The following DPY19L2 variants were observed in gnomAD, a reference collection of about 807,000 sequenced individuals.
DPY19L2 encodes the protein dpy-19 like 2.
Under a neutral mutation model 97.9 loss-of-function variants are expected in DPY19L2, and 34 were observed. That is an observed-to-expected ratio of 0.35 (90% CI 0.26 to 0.46). The LOEUF (loss-of-function observed/expected upper bound fraction) is 0.46. Ranked by LOEUF, DPY19L2 falls within the 20% of genes least tolerant of loss-of-function variation. The pLI is 1.00. For missense variants in DPY19L2, 623 were observed against 911.4 expected, an observed-to-expected ratio of 0.68 and a Z score of 4.07; for synonymous variants, 230 against 307.9, an observed-to-expected ratio of 0.75 and a Z score of 2.65.
intron 5 of DPY19L2, among the ~76,000 whole-genome samples, 165 bp downstream of exon 5, chr12:63,647,080 T>A (rs1893510916): frequency 6.6e-6 from 1 of 152,162 alleles, no homozygotes. Flanking sequence ...GTACACAGCC[T>A]TCTCAGAAAA....
At chr12:63,662,788 C>A (rs1484201083) in intron 3 of DPY19L2, among the ~76,000 whole-genome samples, 1 of 152,032 alleles carries the variant, frequency 6.6e-6, no homozygotes, top group African/African-American at 2.4e-5. Context: ...TTAAAAAGTT[C>A]AAATGTCATA....
chr12:63,631,151 A>G (rs1214233891), intron 6 of DPY19L2, among the ~76,000 whole-genome samples: 1 of 152,130 alleles, frequency 6.6e-6, no homozygotes. Flanking sequence ...CATCACAATT[A>G]AAAGAACTAG....
chr12:63,588,347 A>G (rs1882173536), intron 16 of DPY19L2, among the ~76,000 whole-genome samples: 1 of 152,138 alleles, frequency 6.6e-6, no homozygotes, highest in Non-Finnish European at 1.5e-5. Flanking sequence ...CTACTCTACA[A>G]ATGGAACAAC....
At chr12:63,659,699 C>T (rs34362583) in intron 4 of DPY19L2, among the ~76,000 whole-genome samples, 26,242 of 151,884 alleles carry the variant, frequency 0.17, 2,630 homozygotes, top group Non-Finnish European at 0.23. Flanking sequence ...TGTACCGAGA[C>T]AATTAATTCA....
chr12:63,578,708 T>G, intron 19 of DPY19L2, among the ~76,000 whole-genome samples: 1 of 152,122 alleles, frequency 6.6e-6, no homozygotes, highest in Admixed American at 6.5e-5. Context: ...TTTGAAAATA[T>G]GTAAGCTAGT....
chr12:63,579,557 A>G (rs1880501417), intron 19 of DPY19L2, among the ~76,000 whole-genome samples: 1 of 152,170 alleles, frequency 6.6e-6, no homozygotes, highest in South Asian at 2.1e-4. Flanking sequence ...TCTGTCAGGA[A>G]CCCAATACAA....
chr12:63,652,299 AG>A (rs1894362155), intron 4 of DPY19L2, among the ~76,000 whole-genome samples: 1 of 152,170 alleles, frequency 6.6e-6, no homozygotes, highest in Non-Finnish European at 1.5e-5. Flanking sequence ...TGTGGAGAAA[AG>A]GGGATGCTTA....
In DPY19L2 at chr12:63,580,759, A is replaced by C. The variant is rs373444545; in HGVS notation, c.1803T>G (p.Gly601=). 2.5e-6 allele frequency: 4 copies of C among 1,613,672 alleles called. No homozygotes were observed. The highest frequency in any genetic ancestry group is 3.4e-6 in the Non-Finnish European group (4 of 1,179,708). Residue 601 remains glycine (G), a synonymous_variant, in exon 19 of 22, where the codon GGT becomes GGG. Transcript: ENST00000324472. ...FGILTVMSIQ[G]YANLRNQWSI... is the part of the protein sequence containing the mutation. ...TCCATTGATTACGGAGGTTTGCATA[A>C]CCTTGTATTGACATCACTGTTAAAA...
At chr12:63,614,036 A>G (rs1434128667) in intron 11 of DPY19L2, among the ~76,000 whole-genome samples, 1 of 151,790 alleles carries the variant, frequency 6.6e-6, no homozygotes, top group Non-Finnish European at 1.5e-5. Context: ...CTAAAAATAC[A>G]AAAATTAGCT....
intron 11 of DPY19L2, among the ~76,000 whole-genome samples, chr12:63,612,886 C>G (rs1430107207): frequency 6.6e-6 from 1 of 151,858 alleles, no homozygotes; most frequent in Non-Finnish European, 1.5e-5. Flanking sequence ...AAATATTATG[C>G]CTTTGTCAAT....
chr12:63,657,403 C>G (rs1895104988), intron 4 of DPY19L2, among the ~76,000 whole-genome samples: 1 of 152,070 alleles, frequency 6.6e-6, no homozygotes, highest in Non-Finnish European at 1.5e-5. Context: ...TGATTTTTAC[C>G]AAAGGCTTGT....
chr12:63,624,065 T>A lies in DPY19L2; in HGVS notation c.928A>T (p.Met310Leu). Residue 310 changes from methionine (M) to leucine (L), a missense_variant, in exon 8 of 22, where the codon ATG (methionine) becomes TTG (leucine). Met to Leu is a conservative substitution (Grantham distance 15). Transcript: ENST00000324472. ...SFSYPFLVLQ[M>L]CILTLILRTS... is the part of the protein sequence containing the mutation. The stretch of plus-strand genomic sequence containing the variant: ...CTGAGAATCAAAGTTAAAATACACA[T>A]CTGAAGTACAAGGAAAGGATAGGAA... 1.2e-6 allele frequency: 2 copies of A among 1,611,198 alleles called. No individual in the cohort carries two copies. Among genetic ancestry groups the A allele is most frequent in the Non-Finnish European group, 1.7e-6 (2 of 1,179,180 alleles).
intron 16 of DPY19L2, among the ~76,000 whole-genome samples, chr12:63,588,361 G>T (rs1882175268): frequency 6.6e-6 from 1 of 152,046 alleles, no homozygotes; most frequent in African/African-American, 2.4e-5. Context: ...GAACAACAAA[G>T]CCTGGATGAC....
intron 4 of DPY19L2, among the ~76,000 whole-genome samples, chr12:63,657,254 G>C (rs1266900765): frequency 6.6e-6 from 1 of 152,188 alleles, no homozygotes. Flanking sequence ...ACCAAAGCTG[G>C]AGTTTGTTGC....
chr12:63,667,235 T>G (rs1480401728), intron 1 of DPY19L2, among the ~76,000 whole-genome samples: 1 of 152,200 alleles, frequency 6.6e-6, no homozygotes, highest in Non-Finnish European at 1.5e-5. Flanking sequence ...CCTGTTCAAC[T>G]ATATTTGTAT....
At chr12:63,601,562 G>A (rs1885196139) in intron 12 of DPY19L2, among the ~76,000 whole-genome samples, 2 of 152,204 alleles carry the variant, frequency 1.3e-5, no homozygotes, top group South Asian at 4.2e-4. Context: ...CCTGACCTAA[G>A]CCTTTGCAGA....
chr12:63,629,549 AGAAATATGG>A (rs1253527892), intron 6 of DPY19L2, among the ~76,000 whole-genome samples: 1 of 152,196 alleles, frequency 6.6e-6, no homozygotes, highest in African/African-American at 2.4e-5. Context: ...AAAGCCTCCA[AGAAATATGG>A]GACTATGTGA....
intron 6 of DPY19L2, among the ~76,000 whole-genome samples, chr12:63,640,003 A>G (rs1892430624): frequency 6.6e-6 from 1 of 152,252 alleles, no homozygotes; most frequent in African/African-American, 2.4e-5. Context: ...CATATACACC[A>G]TGGAATACTA....
chr12:63,659,735 T>C (rs1447315711), intron 4 of DPY19L2, among the ~76,000 whole-genome samples: 1 of 152,068 alleles, frequency 6.6e-6, no homozygotes, highest in Non-Finnish European at 1.5e-5. Flanking sequence ...GTTACCACAA[T>C]GGAGCATTTT....
Sources: gnomAD v4.1 joint callset for allele counts (sites outside exome capture counted in the v4.1 genomes callset) on GRCh38, gnomAD v4.1.1 for gene constraint, MANE v1.5 for transcripts, NCBI Gene and HGNC (gene_info 2026-07-23, HGNC 2026-07-21) for gene names.